Variants in ACSM2B observed in about 807,000 individuals in gnomAD.
ACSM2B encodes acyl-coenzyme A synthetase ACSM2B, mitochondrial.
Under a neutral mutation model 78.6 loss-of-function variants are expected in ACSM2B, and 58 were observed. The ratio of observed to expected loss-of-function variants is 0.74; its 90% CI spans 0.60 to 0.92. The LOEUF (loss-of-function observed/expected upper bound fraction) is 0.92. ACSM2B is among the 40% of genes least tolerant of loss of function. The probability of loss-of-function intolerance (pLI) is 0.00; values close to 1 mark genes in which losing one functional copy is unlikely to be tolerated. For missense variants in ACSM2B, 688 were observed against 711.2 expected (o/e 0.97, Z 0.37); for synonymous variants, 257 against 256.8 (o/e 1.00, Z -0.01).
chr16:20,550,390 A>G (rs895323640), intron 6 of ACSM2B, among the ~76,000 whole-genome samples: 1 of 151,888 alleles, frequency 6.6e-6, no homozygotes, highest in Non-Finnish European at 1.5e-5. Flanking sequence ...GCAACTACAT[A>G]CTCATTTGCT....
At chr16:20,566,725 C>CTATATATACTATATATAG (rs1567218549) in intron 1 of ACSM2B, among the ~76,000 whole-genome samples, 1 of 22,206 alleles carries the variant, frequency 4.5e-5, no homozygotes, top group Non-Finnish European at 6.9e-5. Context: ...ATAGTATATA[C>CTATATATACTATATATAG]TATATATAGT....
intron 1 of ACSM2B, chr16:20,575,457 C>T (rs1262972759): frequency 6.6e-6 from 1 of 150,388 alleles, no homozygotes; most frequent in Non-Finnish European, 1.5e-5. Flanking sequence ...CATCTGCAGG[C>T]TGAGGTGCAA....
At chr16:20,545,282 G>T in intron 9 of ACSM2B, 24 bp from the exon 10 acceptor site, 1 of 1,609,458 alleles carries the variant, frequency 6.2e-7, no homozygotes, top group Non-Finnish European at 8.5e-7. Flanking sequence ...CATATTGGAA[G>T]AATGACGCAC....
At chr16:20,564,888 C>T in intron 1 of ACSM2B, 35 bp from the exon 2 acceptor site, 1 of 1,571,988 alleles carries the variant, frequency 6.4e-7, no homozygotes, top group African/African-American at 1.4e-5. Flanking sequence ...GTAAGAGCTT[C>T]TTTAACAGAT....
intron 6 of ACSM2B, chr16:20,549,669 C>A (rs1219838818): frequency 2.6e-6 from 1 of 386,526 alleles, no homozygotes; most frequent in African/African-American, 2.2e-5. Flanking sequence ...ATGACAGAGC[C>A]CTCAGGAGGT....
intron 3 of ACSM2B, among the ~76,000 whole-genome samples, chr16:20,557,974 T>C (rs2152140775): frequency 6.6e-6 from 1 of 152,272 alleles, no homozygotes; most frequent in South Asian, 2.1e-4. Context: ...AAAACAAAAA[T>C]GATAATAGCT....
rs187159027 is a variant in ACSM2B at position 20,542,526 on chromosome 16, T to C, written c.1509+388A>G. On this transcript the variant is annotated intron_variant, in intron 12 of 13. Transcript: ENST00000329697. Reference sequence around the variant, plus strand: ...CCATTGGATACTTAGGTTGATCCCATATCTTCGTATTGTGAATAGTGCTGC... The same window carrying C: ...CCATTGGATACTTAGGTTGATCCCACATCTTCGTATTGTGAATAGTGCTGC... 133 of 208,192 alleles carry C rather than the reference T, an allele frequency of 6.4e-4. 1 individual carries two copies. The highest frequency in any genetic ancestry group is 2.8e-3 in the African/African-American group (121 of 43,538). 12.9% of individuals were successfully genotyped at this position (208,192 alleles called of 1,614,324 possible). A position where few individuals can be genotyped will look rare whatever the true frequency, so the allele number is the denominator to read the frequency against.
chr16:20,552,655 T>C (rs1454259019), intron 5 of ACSM2B, among the ~76,000 whole-genome samples: 1 of 152,222 alleles, frequency 6.6e-6, no homozygotes, highest in Admixed American at 6.5e-5. Flanking sequence ...ATGGCAAATA[T>C]TCTAACAGAT....
intron 12 of ACSM2B, 194 bp downstream of exon 12, chr16:20,542,720 C>A (rs2015030523): frequency 8.9e-6 from 6 of 673,052 alleles, no homozygotes; most frequent in African/African-American, 3.6e-5. Flanking sequence ...TCATAACAAT[C>A]CCTCATCTTA....
In ACSM2B at chr16:20,537,062, T is replaced by C; in HGVS notation, c.*196A>G. On this transcript the variant is annotated 3_prime_UTR_variant, in exon 14 of 14. Coordinates refer to ENST00000329697, the MANE Select transcript of ACSM2B (RefSeq NM_001105069.2). Reference sequence around the variant, plus strand: ...CTCTTTTTCTGTTACCCTCTCCTTTTCACTCTCTCTCATTCCTTCCCTTTC... The same window carrying C: ...CTCTTTTTCTGTTACCCTCTCCTTTCCACTCTCTCTCATTCCTTCCCTTTC... The C allele has an allele frequency of 1.7e-6, 1 of 578,022 alleles. No homozygotes were observed. Among genetic ancestry groups the C allele is most frequent in the Non-Finnish European group, 2.9e-6 (1 of 347,372 alleles). The allele number at this position is 578,022 out of a possible 1,614,324, so 35.8% of individuals were successfully genotyped here.
At position 20,559,285 on chromosome 16, in the gene ACSM2B, G is replaced by C; in HGVS notation, c.340C>G (p.Pro114Ala). ...ACCAGCCACCACTCAGGCACTCGGG[G>C]CAGCATCACTGCCACACGATCCCCA... ...QRGDRVAVML[P>A]RVPEWWLVIL... The change falls in exon 3 of 14, where the codon CCC (proline) becomes GCC (alanine). Residue 114 changes from proline to alanine, a missense_variant. Pro to Ala is a conservative substitution (Grantham distance 27). Transcript: ENST00000329697. The C allele has an allele frequency of 6.2e-7, 1 of 1,613,710 alleles. No homozygotes were observed. The highest frequency in any genetic ancestry group is 8.5e-7 in the Non-Finnish European group (1 of 1,179,764).
In ACSM2B at chr16:20,563,144, AT is replaced by A. The variant is rs1478739246; in HGVS notation, c.177+1524del. Among the ~76,000 whole-genome samples, 7 of 152,042 alleles carry A rather than the reference AT, an allele frequency of 4.6e-5. 1 individual carries two copies. The highest frequency in any genetic ancestry group is 4.6e-4 in the Admixed American group (7 of 15,262). Reference sequence around the variant, plus strand: ...AAGATGTCTTGTGATAATTAAACTAATTTTTCTGAAAGAAAAAAACAACCTT... The same window carrying A: ...AAGATGTCTTGTGATAATTAAACTAATTTTCTGAAAGAAAAAAACAACCTT... On this transcript the variant is annotated intron_variant, in intron 2 of 13. Coordinates refer to ENST00000329697, the MANE Select transcript of ACSM2B (RefSeq NM_001105069.2).
chr16:20,561,130 T>G (rs2015641362), intron 2 of ACSM2B, among the ~76,000 whole-genome samples: 1 of 152,102 alleles, frequency 6.6e-6, no homozygotes, highest in African/African-American at 2.4e-5. Context: ...CTGACATATG[T>G]TACATGCATA....
At chr16:20,547,256 T>G in intron 8 of ACSM2B, 1 of 985,420 alleles carries the variant, frequency 1.0e-6, no homozygotes, top group Non-Finnish European at 1.2e-6. Flanking sequence ...TGTCCTCCTC[T>G]GAATGGTGGG....
At chr16:20,567,840 A>T (rs2015974336) in intron 1 of ACSM2B, among the ~76,000 whole-genome samples, 1 of 142,298 alleles carries the variant, frequency 7.0e-6, no homozygotes. Flanking sequence ...CTATACTATT[A>T]TATAATATAT....
At chr16:20,548,846 A>C (rs912695495) in intron 6 of ACSM2B, among the ~76,000 whole-genome samples, 2 of 152,166 alleles carry the variant, frequency 1.3e-5, no homozygotes, top group African/African-American at 4.8e-5. Context: ...GTCTTGGTTG[A>C]GTCCCTTAAC....
chr16:20,545,318 G>A (rs2015105661), intron 9 of ACSM2B, 60 bp from the exon 10 acceptor site: 2 of 1,564,906 alleles, frequency 1.3e-6, no homozygotes, highest in South Asian at 1.2e-5. Context: ...TTCAATGGCA[G>A]CAGGAGATTG....
intron 6 of ACSM2B, among the ~76,000 whole-genome samples, chr16:20,548,860 C>T (rs548923618): frequency 6.6e-6 from 1 of 152,262 alleles, no homozygotes; most frequent in Admixed American, 6.5e-5. Flanking sequence ...CCTTAACTTT[C>T]TGTAGCCAGC....
chr16:20,547,646 G>C (rs2015178889), intron 8 of ACSM2B: 34 of 1,016,096 alleles, frequency 3.3e-5, no homozygotes, highest in South Asian at 4.0e-5. Flanking sequence ...CCTCACTTCA[G>C]TCTAAGCAGC....
Sources: gnomAD v4.1 joint callset for allele counts (sites outside exome capture counted in the v4.1 genomes callset) on GRCh38, gnomAD v4.1.1 for gene constraint, MANE v1.5 for transcripts, NCBI Gene and HGNC (gene_info 2026-07-23, HGNC 2026-07-21) for gene names.